Variants in PDE4B observed in about 807,000 individuals in gnomAD.
PDE4B encodes phosphodiesterase 4B.
In PDE4B, 20 loss-of-function variants were observed where a neutral mutation model predicts 82.2. That is an observed-to-expected ratio of 0.24 (90% CI 0.17 to 0.35). The LOEUF (loss-of-function observed/expected upper bound fraction) is 0.35. Among genes scored for constraint, PDE4B ranks in the 10% least tolerant of loss-of-function variants. The pLI, the probability that PDE4B is intolerant of heterozygous loss-of-function variation, is 1.00. For synonymous variants in PDE4B, 320 were observed against 318.9 expected (o/e 1.00, Z -0.04); for missense variants, 655 against 907.2 (o/e 0.72, Z 3.57).
At chr1:65,977,180 G>C (rs192948202) in intron 3 of PDE4B, among the ~76,000 whole-genome samples, 1 of 152,146 alleles carries the variant, frequency 6.6e-6, no homozygotes, top group Non-Finnish European at 1.5e-5. Context: ...GAATGCAGTG[G>C]TTCACAAATA....
chr1:65,907,635 T>A (rs1356301433), intron 1 of PDE4B, among the ~76,000 whole-genome samples: 1 of 152,112 alleles, frequency 6.6e-6, no homozygotes, highest in Non-Finnish European at 1.5e-5. Flanking sequence ...AAAGTCAAGA[T>A]CCCATGGTCT....
intron 3 of PDE4B, among the ~76,000 whole-genome samples, chr1:66,222,633 T>C (rs1265996096): frequency 6.6e-6 from 1 of 152,248 alleles, no homozygotes; most frequent in African/African-American, 2.4e-5. Flanking sequence ...ACTAGCTGTA[T>C]CATCTTGAGC....
chr1:65,846,182 C>A (rs991737459), intron 1 of PDE4B, among the ~76,000 whole-genome samples: 2 of 152,186 alleles, frequency 1.3e-5, no homozygotes, highest in Non-Finnish European at 2.9e-5. Flanking sequence ...GATGTCACGA[C>A]CTTCCAGTCT....
At chr1:65,904,905 A>C in intron 1 of PDE4B, among the ~76,000 whole-genome samples, 1 of 152,204 alleles carries the variant, frequency 6.6e-6, no homozygotes, top group East Asian at 1.9e-4. Context: ...AGTTATTCAT[A>C]TCTCTGTCAG....
At position 66,041,968 on chromosome 1, in the gene PDE4B, TTAAA is replaced by T. The variant is rs371308380; in HGVS notation, c.281+123139_281+123142del. Among the ~76,000 whole-genome samples, 34 of 151,972 alleles carry T rather than the reference TTAAA, an allele frequency of 2.2e-4. 1 individual carries two copies. Among genetic ancestry groups the T allele is most frequent in the African/African-American group, 7.7e-4 (32 of 41,522 alleles). On this transcript the variant is annotated intron_variant, in intron 3 of 16. Transcript: ENST00000341517. ...ATAATGGATATGTAATAAGTAACTGTTAAATAAATGTTTTCAAAGGAGTTACTCT... is the reference window on the plus strand; with the variant it reads ...ATAATGGATATGTAATAAGTAACTGTTAAATGTTTTCAAAGGAGTTACTCT...
rs377341956 is a variant in PDE4B, at chr1:66,241,827, G to A, written c.282-5633G>A. 1.8e-4 allele frequency among the ~76,000 whole-genome samples: 27 copies of A among 152,292 alleles called. No individual in the cohort carries two copies. The East Asian group carries it at 2.9e-3, about 16-fold the overall frequency. Reference sequence around the variant, plus strand: ...TCCTGGGATACTGAAGGGAGAATGCGGAAAGAAGAACCTAGTGACTCCCTT... The same window carrying A: ...TCCTGGGATACTGAAGGGAGAATGCAGAAAGAAGAACCTAGTGACTCCCTT... On this transcript the variant is annotated intron_variant, in intron 3 of 16. Coordinates refer to ENST00000341517, the MANE Select transcript of PDE4B (RefSeq NM_002600.4).
intron 3 of PDE4B, among the ~76,000 whole-genome samples, chr1:66,199,181 G>A (rs1363943514): frequency 2.0e-5 from 3 of 151,594 alleles, no homozygotes; most frequent in South Asian, 2.1e-4. Context: ...CTGAGGAATC[G>A]CCACACTGAC....
Position 66,284,203 on chromosome 1 carries a change from G to A in PDE4B, c.634+18116G>A, listed in dbSNP as rs557929555. Among the ~76,000 whole-genome samples, 3 of 152,240 alleles carry A rather than the reference G, an allele frequency of 2.0e-5. No homozygotes were observed. In the South Asian group the frequency reaches 6.2e-4, roughly 32 times the overall value. ...CTATCCTAAGTACAAATAACACTCT[G>A]TACTGAGCTGTACCTAGGAAATTTA... On this transcript the variant is annotated intron_variant, in intron 7 of 16. Coordinates refer to ENST00000341517, the MANE Select transcript of PDE4B (RefSeq NM_002600.4).
At chr1:66,028,332 C>T (rs767871706) in intron 3 of PDE4B, among the ~76,000 whole-genome samples, 13 of 152,240 alleles carry the variant, frequency 8.5e-5, no homozygotes, top group Middle Eastern at 3.4e-3. Context: ...GCACCAAGTA[C>T]CTAGGCTACA....
chr1:66,365,528 T>TA, intron 12 of PDE4B, 139 bp from the exon 13 acceptor site: 1 of 539,346 alleles, frequency 1.9e-6, no homozygotes, highest in Admixed American at 3.0e-5. Flanking sequence ...TACATTTACT[T>TA]AAATTAGTAT....
intron 3 of PDE4B, among the ~76,000 whole-genome samples, chr1:65,996,235 T>C (rs1005763705): frequency 1.3e-5 from 2 of 152,108 alleles, no homozygotes; most frequent in Non-Finnish European, 2.9e-5. Flanking sequence ...TTTAAGACTC[T>C]AGAGAAAATA....
At chr1:66,234,550 A>G (rs1352572267) in intron 3 of PDE4B, among the ~76,000 whole-genome samples, 2 of 152,166 alleles carry the variant, frequency 1.3e-5, no homozygotes, top group East Asian at 3.9e-4. Context: ...CAGCCTTCCA[A>G]AGTGCTGGGA....
At chr1:65,830,701 A>G (rs1646072334) in intron 1 of PDE4B, among the ~76,000 whole-genome samples, 1 of 152,280 alleles carries the variant, frequency 6.6e-6, no homozygotes, top group Admixed American at 6.5e-5. Flanking sequence ...CCCAGACAAC[A>G]GAAGAGCATG....
In PDE4B at chr1:66,174,650, G is replaced by C. The variant is rs1182472142; in HGVS notation, c.282-72810G>C. Among the ~76,000 whole-genome samples, 3 of 152,090 alleles carry C rather than the reference G, an allele frequency of 2.0e-5. No homozygotes were observed. The East Asian group carries it at 5.8e-4, about 29-fold the overall frequency. ...ACATGCCTGTAATCCCAGCTACTCA[G>C]GAGGCTGAGGCAGGAGAATGACTTG... On this transcript the variant is annotated intron_variant, in intron 3 of 16. Transcript: ENST00000341517.
intron 3 of PDE4B, among the ~76,000 whole-genome samples, chr1:65,946,485 T>C (rs1240882553): frequency 1.3e-5 from 2 of 152,030 alleles, no homozygotes; most frequent in African/African-American, 4.8e-5. Flanking sequence ...GTATGAACTG[T>C]CTCTAGCACA....
At chr1:66,339,833 T>C (rs1025929739) in intron 8 of PDE4B, among the ~76,000 whole-genome samples, 1 of 133,880 alleles carries the variant, frequency 7.5e-6, no homozygotes, top group Admixed American at 7.9e-5. Flanking sequence ...AGTTTTTTTT[T>C]GTTTGTTTTT....
At chr1:66,349,834 T>G (rs1661687146) in intron 8 of PDE4B, among the ~76,000 whole-genome samples, 1 of 152,180 alleles carries the variant, frequency 6.6e-6, no homozygotes, top group Non-Finnish European at 1.5e-5. Flanking sequence ...GTTTATTTCT[T>G]TTTCATTTAA....
intron 3 of PDE4B, among the ~76,000 whole-genome samples, chr1:65,999,903 C>G (rs1233114248): frequency 6.6e-6 from 1 of 152,198 alleles, no homozygotes; most frequent in Non-Finnish European, 1.5e-5. Context: ...TTGATACTTA[C>G]TCTATAAGCA....
At chr1:65,895,632 C>T (rs187460957) in intron 1 of PDE4B, among the ~76,000 whole-genome samples, 5 of 150,436 alleles carry the variant, frequency 3.3e-5, no homozygotes, top group Non-Finnish European at 7.4e-5. Flanking sequence ...TTTCTCACCA[C>T]ACATAAACAT....
Sources: allele counts gnomAD v4.1 joint callset (sites outside exome capture counted in the v4.1 genomes callset), GRCh38; gene constraint gnomAD v4.1.1; transcripts MANE v1.5; gene names NCBI Gene and HGNC (gene_info 2026-07-23, HGNC 2026-07-21).